The following NXPE2 variants were observed in gnomAD, a reference collection of about 807,000 sequenced individuals.
The protein encoded by NXPE2 is NXPE family member 2.
NXPE2 carries 34 observed loss-of-function variants against 34.4 expected under a neutral mutation model. That is an observed-to-expected ratio of 0.99 (90% CI 0.75 to 1.31). NXPE2 has a LOEUF of 1.31. Ranked by LOEUF, NXPE2 falls within the 40% of genes most tolerant of loss-of-function variation. The pLI is 0.00. For missense variants in NXPE2, 649 were observed against 672.5 expected (o/e 0.97, Z 0.39); for synonymous variants, 235 against 231.3 (o/e 1.02, Z -0.15).
chr11:114,669,097 A>C, the NXPE2 span, among the ~76,000 whole-genome samples: 4 of 152,068 alleles, frequency 2.6e-5, no homozygotes, highest in Non-Finnish European at 5.9e-5. Flanking sequence ...GATTTCAAAA[A>C]CAATAGAAAT....
the NXPE2 span, among the ~76,000 whole-genome samples, chr11:114,720,883 A>C: frequency 1.3e-5 from 2 of 152,144 alleles, no homozygotes; most frequent in South Asian, 4.1e-4. Context: ...GTTTAGGAGG[A>C]TCTGATAAAG....
the NXPE2 span, among the ~76,000 whole-genome samples, chr11:114,732,613 C>A: frequency 6.6e-6 from 1 of 152,160 alleles, no homozygotes; most frequent in Non-Finnish European, 1.5e-5. Flanking sequence ...CCTATTCAAT[C>A]TGAAAAGACT....
the NXPE2 span, among the ~76,000 whole-genome samples, chr11:114,768,900 C>T: frequency 2.6e-5 from 4 of 152,038 alleles, no homozygotes; most frequent in Non-Finnish European, 5.9e-5. Context: ...TAGGCATGGG[C>T]AAAGACTTCA....
chr11:114,632,946 A>C, the NXPE2 span, among the ~76,000 whole-genome samples: 1 of 99,676 alleles, frequency 1.0e-5, no homozygotes, highest in South Asian at 2.9e-4. Context: ...TATATATTAT[A>C]TGATATTTTA....
the NXPE2 span, among the ~76,000 whole-genome samples, chr11:114,798,575 G>T: frequency 6.6e-6 from 1 of 152,112 alleles, no homozygotes; most frequent in Non-Finnish European, 1.5e-5. Flanking sequence ...GTACAGACGG[G>T]GTTTCACCCT....
At chr11:114,504,420 C>T in the NXPE2 span, among the ~76,000 whole-genome samples, 65 of 152,186 alleles carry the variant, frequency 4.3e-4, no homozygotes, top group East Asian at 0.011. Flanking sequence ...TCCAGCAGGG[C>T]CCCCCCACAC....
the NXPE2 span, among the ~76,000 whole-genome samples, chr11:114,633,950 T>G: frequency 6.6e-6 from 1 of 152,056 alleles, no homozygotes; most frequent in East Asian, 1.9e-4. Flanking sequence ...TATAGCAGCA[T>G]GATTTATAGC....
chr11:114,581,256 AT>A, the NXPE2 span, among the ~76,000 whole-genome samples: 1 of 152,162 alleles, frequency 6.6e-6, no homozygotes, highest in African/African-American at 2.4e-5. Flanking sequence ...TGCAAGTTCT[AT>A]TTTTTATGCT....
At chr11:114,627,982 T>C in the NXPE2 span, among the ~76,000 whole-genome samples, 1 of 151,924 alleles carries the variant, frequency 6.6e-6, no homozygotes, top group Non-Finnish European at 1.5e-5. Flanking sequence ...ATCCTAAATA[T>C]ATATGGACCC....
At chr11:114,741,593 A>G in the NXPE2 span, among the ~76,000 whole-genome samples, 1 of 151,854 alleles carries the variant, frequency 6.6e-6, no homozygotes, top group African/African-American at 2.4e-5. Context: ...CAAGTCTACC[A>G]TTGACTCCCT....
chr11:114,704,333 G>T (rs1951433020), intron 4 of NXPE2, among the ~76,000 whole-genome samples: 1 of 150,958 alleles, frequency 6.6e-6, no homozygotes, highest in Admixed American at 6.6e-5. Flanking sequence ...TTTAAATTTA[G>T]ATTTATTCCT....
chr11:114,803,183 G>A, the NXPE2 span, among the ~76,000 whole-genome samples: 1 of 152,194 alleles, frequency 6.6e-6, no homozygotes. Context: ...TCCAGCCTGG[G>A]CCTGTTCCCA....
the NXPE2 span, among the ~76,000 whole-genome samples, chr11:114,477,060 A>G: frequency 2.0e-5 from 3 of 152,314 alleles, no homozygotes; most frequent in South Asian, 2.1e-4. Context: ...AATGACCAAA[A>G]TGTCCTTCCA....
chr11:114,520,690 C>T, the NXPE2 span, among the ~76,000 whole-genome samples: 2 of 152,132 alleles, frequency 1.3e-5, no homozygotes, highest in African/African-American at 4.8e-5. Context: ...TACTGTTTTC[C>T]ATAATGGCTG....
chr11:114,468,184 A>G, the NXPE2 span, among the ~76,000 whole-genome samples: 1 of 151,960 alleles, frequency 6.6e-6, no homozygotes, highest in Non-Finnish European at 1.5e-5. Flanking sequence ...AAGAAAGTTT[A>G]TGAATTTGTA....
chr11:114,469,108 G>GTTTTTT, the NXPE2 span, among the ~76,000 whole-genome samples: 1 of 109,888 alleles, frequency 9.1e-6, no homozygotes, highest in Non-Finnish European at 1.9e-5. Context: ...TACAGTGCTA[G>GTTTTTT]CTTTTTTTTT....
At chr11:114,498,752 G>T in the NXPE2 span, among the ~76,000 whole-genome samples, 2 of 151,890 alleles carry the variant, frequency 1.3e-5, no homozygotes, top group Non-Finnish European at 2.9e-5. Flanking sequence ...ATCTTCAGAG[G>T]TATTGATGTG....
the NXPE2 span, among the ~76,000 whole-genome samples, chr11:114,541,516 C>T: frequency 4.6e-5 from 7 of 152,312 alleles, no homozygotes; most frequent in East Asian, 7.7e-4. Context: ...GACCACGACA[C>T]GTGACACAGC....
intron 3 of NXPE2, among the ~76,000 whole-genome samples, chr11:114,703,699 TGATA>T (rs1555079972): frequency 5.5e-5 from 1 of 18,180 alleles, no homozygotes; most frequent in East Asian, 2.3e-3. Flanking sequence ...GATAGATAGA[TGATA>T]GATAGATAGA....
Sources: allele counts gnomAD v4.1 joint callset (sites outside exome capture counted in the v4.1 genomes callset), GRCh38; gene constraint gnomAD v4.1.1; transcripts MANE v1.5; gene names NCBI Gene and HGNC (gene_info 2026-07-23, HGNC 2026-07-21).